Variants in SCMH1 observed in about 807,000 individuals in gnomAD.
The protein encoded by SCMH1 is polycomb protein SCMH1.
In SCMH1, 37 loss-of-function variants were observed where a neutral mutation model predicts 70.8. That is an observed-to-expected ratio of 0.52 (90% confidence interval 0.40 to 0.69). The LOEUF is 0.69. Among genes scored for constraint, SCMH1 ranks in the 30% least tolerant of loss-of-function variants. SCMH1 has a pLI of 0.00. For synonymous variants in SCMH1, 292 were observed against 307.4 expected (o/e 0.95, Z 0.52); for missense variants, 607 against 827.3 (o/e 0.73, Z 3.27).
At chr1:41,062,607 C>T (rs906676466) in intron 10 of SCMH1, among the ~76,000 whole-genome samples, 45 of 151,982 alleles carry the variant, frequency 3.0e-4, no homozygotes, top group African/African-American at 8.2e-4. Context: ...GGCATGGTGG[C>T]GCATGCCTGT....
At chr1:41,230,395 C>T (rs1661074556) in intron 1 of SCMH1, among the ~76,000 whole-genome samples, 1 of 152,134 alleles carries the variant, frequency 6.6e-6, no homozygotes, top group African/African-American at 2.4e-5. Flanking sequence ...CCCAGCCAGG[C>T]ACCATCCCAG....
At chr1:41,207,859 T>C (rs1655934410) in intron 1 of SCMH1, among the ~76,000 whole-genome samples, 2 of 151,120 alleles carry the variant, frequency 1.3e-5, no homozygotes, top group Admixed American at 1.3e-4. Context: ...ATTGTGGAAG[T>C]CAGTGTGGCG....
intron 6 of SCMH1, among the ~76,000 whole-genome samples, chr1:41,124,837 CA>C (rs958456525): frequency 2.0e-5 from 3 of 152,124 alleles, no homozygotes; most frequent in African/African-American, 7.2e-5. Flanking sequence ...CTCAAGTAAT[CA>C]TTCCGCCTCA....
chr1:41,041,693 T>C (rs545633016), intron 12 of SCMH1: 2 of 152,310 alleles, frequency 1.3e-5, no homozygotes, highest in African/African-American at 4.8e-5. Flanking sequence ...TATTTCAGTT[T>C]TTATTTGGCT....
At chr1:41,192,495 G>GACACACACACACACAC (rs55940657) in intron 1 of SCMH1, among the ~76,000 whole-genome samples, 4,993 of 148,632 alleles carry the variant, frequency 0.034, 101 homozygotes, top group South Asian at 0.082. Flanking sequence ...TTAAATAGGA[G>GACACACACACACACAC]ACACACACAC....
intron 10 of SCMH1, among the ~76,000 whole-genome samples, chr1:41,050,130 A>C (rs946712520): frequency 1.3e-5 from 2 of 151,768 alleles, no homozygotes; most frequent in African/African-American, 4.8e-5. Flanking sequence ...TCCACCTGGC[A>C]CTGCAGTGGG....
chr1:41,029,273 C>T (rs528972042), intron 13 of SCMH1, among the ~76,000 whole-genome samples: 22 of 152,312 alleles, frequency 1.4e-4, no homozygotes, highest in Admixed American at 9.8e-4. Flanking sequence ...AGTGCAGTGG[C>T]GCCATCTCAG....
At chr1:41,182,605 A>G (rs1185520126) in intron 2 of SCMH1, among the ~76,000 whole-genome samples, 2 of 152,022 alleles carry the variant, frequency 1.3e-5, no homozygotes, top group African/African-American at 4.8e-5. Flanking sequence ...CAGCTACTCA[A>G]GGGGCTGCGA....
intron 3 of SCMH1, 77 bp downstream of exon 3, chr1:41,161,287 C>T (rs1377581566): frequency 6.5e-7 from 1 of 1,543,516 alleles, no homozygotes; most frequent in Non-Finnish European, 8.7e-7. Flanking sequence ...AAACTCAGAC[C>T]TCTAACAACG....
chr1:41,060,804 C>A (rs957880619), intron 10 of SCMH1, among the ~76,000 whole-genome samples: 1 of 152,040 alleles, frequency 6.6e-6, no homozygotes, highest in Non-Finnish European at 1.5e-5. Flanking sequence ...CACCACCATG[C>A]TTGATTAATT....
At chr1:41,168,013 G>A (rs1480143257) in intron 2 of SCMH1, among the ~76,000 whole-genome samples, 1 of 150,300 alleles carries the variant, frequency 6.7e-6, no homozygotes, top group African/African-American at 2.5e-5. Flanking sequence ...CCTTAGGGTG[G>A]TTCCCTTACA....
chr1:41,150,442 G>A (rs1644965790), intron 5 of SCMH1, among the ~76,000 whole-genome samples: 1 of 152,148 alleles, frequency 6.6e-6, no homozygotes, highest in African/African-American at 2.4e-5. Context: ...GGCAGAAGTT[G>A]CAGTGAGCCA....
At chr1:41,089,745 C>A (rs974214107) in intron 8 of SCMH1, among the ~76,000 whole-genome samples, 3 of 148,780 alleles carry the variant, frequency 2.0e-5, no homozygotes, top group Non-Finnish European at 4.4e-5. Context: ...GACCTACTTC[C>A]TACCACTCTC....
intron 6 of SCMH1, among the ~76,000 whole-genome samples, chr1:41,128,595 G>T (rs533963923): frequency 1.3e-5 from 2 of 152,078 alleles, no homozygotes; most frequent in Non-Finnish European, 2.9e-5. Flanking sequence ...TCTCTTTATC[G>T]TGGGTTTTCA....
chr1:41,031,386 G>A (rs1419773693), intron 13 of SCMH1, among the ~76,000 whole-genome samples: 2 of 151,708 alleles, frequency 1.3e-5, no homozygotes, highest in Non-Finnish European at 2.9e-5. Flanking sequence ...AACTCTCTCC[G>A]GCAAAGGCTA....
In SCMH1 at chr1:41,037,144, T is replaced by C. The variant is rs553333664; in HGVS notation, c.1678+218A>G. Reference sequence around the variant, plus strand: ...AATCCTTCCCTGTCCCTTTTGGGTCTAGGTCTTTGGCTCTTAGTTTCTGTT... The same window carrying C: ...AATCCTTCCCTGTCCCTTTTGGGTCCAGGTCTTTGGCTCTTAGTTTCTGTT... On this transcript the variant is annotated intron_variant, in intron 13 of 14. Coordinates refer to ENST00000337495, the Ensembl canonical transcript of SCMH1. Among the ~76,000 whole-genome samples the C allele has an allele frequency of 2.6e-5, 4 of 152,358 alleles. No homozygotes were observed. The South Asian group carries it at 8.3e-4, about 32-fold the overall frequency.
chr1:41,234,951 G>A (rs1662062429), intron 1 of SCMH1, among the ~76,000 whole-genome samples: 2 of 151,938 alleles, frequency 1.3e-5, no homozygotes, highest in South Asian at 2.1e-4. Flanking sequence ...GCTTATTTTT[G>A]TATTTTTTGC....
At chr1:41,130,670 T>C (rs1032737549) in intron 6 of SCMH1, among the ~76,000 whole-genome samples, 2 of 152,168 alleles carry the variant, frequency 1.3e-5, no homozygotes, top group East Asian at 1.9e-4. Context: ...CTTTTAAGTA[T>C]ATAGTTCAAT....
chr1:41,176,269 G>GT (rs1204954564), intron 2 of SCMH1, among the ~76,000 whole-genome samples: 2 of 151,926 alleles, frequency 1.3e-5, no homozygotes, highest in African/African-American at 2.4e-5. Context: ...AATCCGGGGG[G>GT]TGGCACCAAG....
Sources: gnomAD v4.1 joint callset for allele counts (sites outside exome capture counted in the v4.1 genomes callset) on GRCh38, gnomAD v4.1.1 for gene constraint, MANE v1.5 for transcripts, NCBI Gene and HGNC (gene_info 2026-07-23, HGNC 2026-07-21) for gene names.